The following NXPE3 variants were observed in gnomAD, a reference collection of about 807,000 sequenced individuals.
NXPE3 encodes the protein neurexophilin and PC-esterase domain family member 3.
Under a neutral mutation model 46.1 loss-of-function variants are expected in NXPE3, and 26 were observed. The observed-to-expected ratio is 0.56, with a 90% CI of 0.41 to 0.78. The LOEUF is 0.78. Among genes scored for constraint, NXPE3 ranks in the 30% least tolerant of loss-of-function variants. The probability of loss-of-function intolerance (pLI) is 0.00; values close to 1 mark genes in which losing one functional copy is unlikely to be tolerated. For missense variants in NXPE3, 620 were observed against 686.0 expected, an observed-to-expected ratio of 0.90 and a Z score of 1.07; for synonymous variants, 272 against 257.9, an observed-to-expected ratio of 1.05 and a Z score of -0.52.
chr3:101,793,702 T>G (rs1940658108), intron 4 of NXPE3, among the ~76,000 whole-genome samples: 1 of 134,492 alleles, frequency 7.4e-6, no homozygotes, highest in Admixed American at 7.9e-5. Flanking sequence ...TATTCCTGTA[T>G]AAACTCAGGT....
rs1466211475 is a variant in NXPE3, at chr3:101,822,832, A to G, written c.*878A>G. The G allele has an allele frequency of 2.1e-4, 26 of 123,892 alleles. No homozygotes were observed. Among genetic ancestry groups the G allele is most frequent in the South Asian group, 5.0e-4 (2 of 3,992 alleles). The allele number at this position is 123,892 out of a possible 1,614,324, so 7.7% of individuals were successfully genotyped here. ...TGTGGAAGTTTTTTCCACTAGTTTC[A>G]GGTGTTTTTTTTTTTGTTGTTGTTG... On this transcript the variant is annotated 3_prime_UTR_variant, in exon 8 of 8. Coordinates refer to ENST00000273347, the MANE Select transcript of NXPE3 (RefSeq NM_145037.4).
chr3:101,818,932 A>T (rs903869352), intron 7 of NXPE3, among the ~76,000 whole-genome samples: 3 of 150,702 alleles, frequency 2.0e-5, no homozygotes, highest in African/African-American at 7.3e-5. Flanking sequence ...TGCCTGGCTA[A>T]TTTTTGTATT....
chr3:101,817,798 G>A (rs1469864358), intron 7 of NXPE3, among the ~76,000 whole-genome samples: 2 of 152,124 alleles, frequency 1.3e-5, no homozygotes, highest in Admixed American at 6.5e-5. Context: ...GCCATGTGTG[G>A]GCAAGGCTTT....
chr3:101,785,834 A>G (rs1466139257), intron 4 of NXPE3, 145 bp downstream of exon 4: 4 of 673,316 alleles, frequency 5.9e-6, no homozygotes, highest in South Asian at 3.3e-5. Context: ...TTGCGTGCTC[A>G]CAATGGTTAT....
intron 5 of NXPE3, 98 bp downstream of exon 5, chr3:101,802,087 CCT>C: frequency 8.3e-7 from 1 of 1,198,396 alleles, no homozygotes; most frequent in Non-Finnish European, 1.2e-6. Context: ...GTGTTTCTTA[CCT>C]CTCTCTCAAC....
At chr3:101,806,984 C>T in intron 5 of NXPE3, 69 bp from the exon 6 acceptor site, 1 of 1,026,094 alleles carries the variant, frequency 9.7e-7, no homozygotes, top group South Asian at 1.3e-5. Flanking sequence ...TATCATTTGC[C>T]AATAAAGACA....
intron 4 of NXPE3, 55 bp downstream of exon 4, chr3:101,785,744 G>T: frequency 1.4e-6 from 2 of 1,435,892 alleles, no homozygotes; most frequent in Non-Finnish European, 2.0e-6. Context: ...GGGGATCTGG[G>T]GCTAACTAGC....
intron 1 of NXPE3, 77 bp from the exon 2 acceptor site, chr3:101,782,033 T>C (rs1026382425): frequency 6.6e-6 from 1 of 152,210 alleles, no homozygotes; most frequent in Admixed American, 6.5e-5. Context: ...AAAATTGTAC[T>C]CTTAATTTCT....
Position 101,825,633 on chromosome 3 carries a change from T to C in NXPE3, c.*3679T>C, listed in dbSNP as rs925010360. On this transcript the variant is annotated 3_prime_UTR_variant, in exon 8 of 8. Transcript: ENST00000273347. Reference sequence around the variant, plus strand: ...GTAATTTGGGTCTGTGTTTTTTACATATAAATATTTTTCTATGTTAAATAG... The same window carrying C: ...GTAATTTGGGTCTGTGTTTTTTACACATAAATATTTTTCTATGTTAAATAG... The C allele has an allele frequency of 3.9e-5, 6 of 152,210 alleles. No individual in the cohort carries two copies. Among genetic ancestry groups the C allele is most frequent in the African/African-American group, 1.4e-4 (6 of 41,454 alleles). The allele number at this position is 152,210 out of a possible 1,614,324, so 9.4% of individuals were successfully genotyped here. A position where few individuals can be genotyped will look rare whatever the true frequency, so the allele number is the denominator to read the frequency against.
In NXPE3 at chr3:101,821,568, A is replaced by G; in HGVS notation, c.1294A>G (p.Ile432Val). The change falls in exon 8 of 8, where the codon ATT (isoleucine) becomes GTT (valine). Residue 432 changes from isoleucine to valine, a missense_variant. By Grantham distance (29) the Ile-to-Val change is conservative. Transcript: ENST00000273347. ...TTATGTGGCGAATGAGCTGAATGGC[A>G]TTGTGGGAGGGAAGAACACAGTGGT... is the stretch of plus-strand genomic sequence containing the variant. ...LHYVANELNG[I>V]VGGKNTVVAI... is the part of the protein sequence containing the mutation. 6.2e-7 allele frequency: 1 copy of G among 1,614,168 alleles called. No individual in the cohort carries two copies. The highest frequency in any genetic ancestry group is 8.5e-7 in the Non-Finnish European group (1 of 1,180,028).
At chr3:101,792,071 T>C (rs1312989220) in intron 4 of NXPE3, among the ~76,000 whole-genome samples, 3 of 152,250 alleles carry the variant, frequency 2.0e-5, no homozygotes, top group Non-Finnish European at 2.9e-5. Flanking sequence ...GTGTGTCTTC[T>C]GAGAAGTTTC....
At position 101,801,483 on chromosome 3, in the gene NXPE3, T is replaced by G; in HGVS notation, c.342T>G (p.Ala114=). ...SSSYFVILNS[A]AFFKVGSQLE... Reference sequence around the variant, plus strand: ...GCTACTTTGTCATCTTGAACTCTGCTGCCTTCTTTAAGGTGGGAAGCCAGC... The same window carrying G: ...GCTACTTTGTCATCTTGAACTCTGCGGCCTTCTTTAAGGTGGGAAGCCAGC... The change falls in exon 5 of 8, where the codon GCT becomes GCG. Residue 114 remains alanine (A), a synonymous_variant. Coordinates refer to ENST00000273347, the MANE Select transcript of NXPE3 (RefSeq NM_145037.4). The G allele has an allele frequency of 6.2e-7, 1 of 1,614,226 alleles. No individual in the cohort carries two copies. Among genetic ancestry groups the G allele is most frequent in the African/African-American group, 1.3e-5 (1 of 75,060 alleles).
rs1942323218 is a variant in NXPE3 at position 101,822,967 on chromosome 3, T to C, written c.*1013T>C. ...GTTTGTTTGTTTGTTTGTTTTTTGG[T>C]ATTTCTTGATTTGGGCATAAAAGGC... is the stretch of plus-strand genomic sequence containing the variant. On this transcript the variant is annotated 3_prime_UTR_variant, in exon 8 of 8. Coordinates refer to ENST00000273347, the MANE Select transcript of NXPE3 (RefSeq NM_145037.4). 1 of 152,140 alleles carries C rather than the reference T, an allele frequency of 6.6e-6. No individual in the cohort carries two copies. Among genetic ancestry groups the C allele is most frequent in the Non-Finnish European group, 1.5e-5 (1 of 68,028 alleles). 9.4% of individuals were successfully genotyped at this position (152,140 alleles called of 1,614,324 possible).
At chr3:101,784,567 A>C (rs1940033276) in intron 3 of NXPE3, among the ~76,000 whole-genome samples, 1 of 152,054 alleles carries the variant, frequency 6.6e-6, no homozygotes, top group Non-Finnish European at 1.5e-5. Context: ...TTCTGCCTTT[A>C]TTTCTGTGTC....
intron 5 of NXPE3, among the ~76,000 whole-genome samples, chr3:101,805,904 T>C (rs1941395670): frequency 6.6e-6 from 1 of 152,210 alleles, no homozygotes; most frequent in South Asian, 2.1e-4. Context: ...ATAATTATTA[T>C]AACTATAGAC....
rs545614315 is a variant in NXPE3, at chr3:101,803,768, C to T, written c.848+1779C>T. Among the ~76,000 whole-genome samples the T allele has an allele frequency of 2.5e-4, 38 of 152,222 alleles. 1 individual carries two copies. The highest frequency in any genetic ancestry group is 1.7e-3 in the South Asian group (8 of 4,814). On this transcript the variant is annotated intron_variant, in intron 5 of 7. Transcript: ENST00000273347. ...CCGAGTAGTTCGGACTACAGGTGTG[C>T]GCCACCACACCCAGCTAATTTTTGT...
rs1350202188 is a variant in NXPE3 at position 101,821,951 on chromosome 3, C to T, written c.1677C>T (p.Thr559=). The part of the protein sequence containing the change: ...MFLSFVCPLE[T] ...TGTCCTTTGTGTGCCCCTTGGAAAC[C>T]TAGCCTGTCTTGGAAGGGACTGGAG... is the stretch of plus-strand genomic sequence containing the variant. The change falls in exon 8 of 8, where the codon ACC becomes ACT. Residue 559 remains threonine (T), a synonymous_variant. Transcript: ENST00000273347. 2 of 1,611,994 alleles carry T rather than the reference C, an allele frequency of 1.2e-6. No homozygotes were observed. Among genetic ancestry groups the T allele is most frequent in the Non-Finnish European group, 8.5e-7 (1 of 1,178,456 alleles).
At position 101,808,854 on chromosome 3, in the gene NXPE3, T is replaced by TAC. The variant is rs1553803067; in HGVS notation, c.922+1729_922+1730insCA. Among the ~76,000 whole-genome samples the TAC allele has an allele frequency of 6.8e-4, 68 of 100,346 alleles. 9 individuals carry two copies. The Middle Eastern group carries it at 0.036, about 53-fold the overall frequency. 65.8% of individuals were successfully genotyped at this position (100,346 alleles called of 152,430 possible). ...ATATATATATATATATATATATATA[T>TAC]ATGAGACATTTATCTTTTATCTGTT... On this transcript the variant is annotated intron_variant, in intron 6 of 7. Coordinates refer to ENST00000273347, the MANE Select transcript of NXPE3 (RefSeq NM_145037.4).
chr3:101,806,201 A>T (rs1941410866), intron 5 of NXPE3, among the ~76,000 whole-genome samples: 1 of 152,238 alleles, frequency 6.6e-6, no homozygotes, highest in South Asian at 2.1e-4. Flanking sequence ...TTTTTCTGAA[A>T]TTGATGAAAT....
Sources: allele counts gnomAD v4.1 joint callset (sites outside exome capture counted in the v4.1 genomes callset), GRCh38; gene constraint gnomAD v4.1.1; transcripts MANE v1.5; gene names NCBI Gene and HGNC (gene_info 2026-07-23, HGNC 2026-07-21).